Variants in WDR33 observed in about 807,000 individuals in gnomAD.
WDR33 encodes the protein WD repeat domain 33, also known as pre-mRNA 3' end processing protein WDR33.
In WDR33, 47 loss-of-function variants were observed where a neutral mutation model predicts 164.9. The observed-to-expected ratio is 0.29, with a 90% CI of 0.23 to 0.36. The LOEUF is 0.36. Ranked by LOEUF, WDR33 falls within the 10% of genes least tolerant of loss-of-function variation. The pLI, the probability that WDR33 is intolerant of heterozygous loss-of-function variation, is 1.00. For synonymous variants in WDR33, 505 were observed against 589.0 expected (o/e 0.86, Z 2.06); for missense variants, 1,137 against 1,754.1 (o/e 0.65, Z 6.28).
At chr2:127,727,926 T>C (rs1455370312) in intron 7 of WDR33, among the ~76,000 whole-genome samples, 1 of 152,188 alleles carries the variant, frequency 6.6e-6, no homozygotes, top group Non-Finnish European at 1.5e-5. Flanking sequence ...GCACCGACAG[T>C]GATTTGTACC....
At position 127,786,261 on chromosome 2, in the gene WDR33, C is replaced by G. The variant is rs1048124891; in HGVS notation, c.-23-15257G>C. Reference sequence around the variant, plus strand: ...TGTTGTCCAGGCTAGTCTGGAACTCCTAGGCTCAAGCGATCCTCCTGCTTT... The same window carrying G: ...TGTTGTCCAGGCTAGTCTGGAACTCGTAGGCTCAAGCGATCCTCCTGCTTT... On this transcript the variant is annotated intron_variant, in intron 1 of 21. Transcript: ENST00000322313. 5.3e-5 allele frequency among the ~76,000 whole-genome samples: 8 copies of G among 152,154 alleles called. No homozygotes were observed. The East Asian group carries it at 1.3e-3, about 26-fold the overall frequency.
In WDR33 at chr2:127,719,188, T is replaced by A. The variant is rs1386844526; in HGVS notation, c.2760+77A>T. 7.6e-7 allele frequency: 1 copy of A among 1,321,426 alleles called. No homozygotes were observed. The highest frequency in any genetic ancestry group is 1.5e-5 in the African/African-American group (1 of 66,772). The allele number at this position is 1,321,426 out of a possible 1,614,324, so 81.9% of individuals were successfully genotyped here. A position where few individuals can be genotyped will look rare whatever the true frequency, so the allele number is the denominator to read the frequency against. ...TATTTATATCCAGCTGTGACCATTTTCCACAATACTCAGCAGTATTACTTC... is the reference window on the plus strand; with the variant it reads ...TATTTATATCCAGCTGTGACCATTTACCACAATACTCAGCAGTATTACTTC... On this transcript the variant is annotated intron_variant, in intron 16 of 21. Coordinates refer to ENST00000322313, the MANE Select transcript of WDR33 (RefSeq NM_018383.5). This position sits in a 1 kb window ranked among gnomAD's most constrained non-coding sequence, Gnocchi z 6.5.
At position 127,796,478 on chromosome 2, in the gene WDR33, C is replaced by T. The variant is rs559762190; in HGVS notation, c.-24+14534G>A. ...CTATAATCCCAGCACTTTGGGAGAC[C>T]AAGATAGGTCCCATTGCTTGAGCTC... On this transcript the variant is annotated intron_variant, in intron 1 of 21. Coordinates refer to ENST00000322313, the MANE Select transcript of WDR33 (RefSeq NM_018383.5). Among the ~76,000 whole-genome samples the T allele has an allele frequency of 2.0e-4, 30 of 152,020 alleles. 1 individual carries two copies. Among genetic ancestry groups the T allele is most frequent in the African/African-American group, 7.0e-4 (29 of 41,364 alleles).
chr2:127,752,751 G>GATAACTAGGAAA (rs983320651), intron 7 of WDR33, among the ~76,000 whole-genome samples: 1 of 152,148 alleles, frequency 6.6e-6, no homozygotes, highest in African/African-American at 2.4e-5. Context: ...GAAGAAATAA[G>GATAACTAGGAAA]ATAACTAGGA....
chr2:127,714,065 C>A lies in WDR33; in HGVS notation c.2870-44G>T, dbSNP rs1252920304. ...ACTTTTACCATGTCTTCCAGGAAAC[C>A]TGCCAACATAGGTCTGATCTGTAGC... On this transcript the variant is annotated intron_variant, in intron 17 of 21. Coordinates refer to ENST00000322313, the MANE Select transcript of WDR33 (RefSeq NM_018383.5). This position sits in a 1 kb window ranked among gnomAD's most constrained non-coding sequence, Gnocchi z 4.3. 3 of 1,481,804 alleles carry A rather than the reference C, an allele frequency of 2.0e-6. No homozygotes were observed. Among genetic ancestry groups the A allele is most frequent in the Non-Finnish European group, 2.7e-6 (3 of 1,120,414 alleles). The allele number at this position is 1,481,804 out of a possible 1,614,324, so 91.8% of individuals were successfully genotyped here.
chr2:127,722,105 C>A lies in WDR33; in HGVS notation c.1519-117G>T. ...TCTAACCTCTGAACCGATTTTATTTCTTTTTACCTTTTCTCCATGACTCAA... is the reference window on the plus strand; with the variant it reads ...TCTAACCTCTGAACCGATTTTATTTATTTTTACCTTTTCTCCATGACTCAA... On this transcript the variant is annotated intron_variant, in intron 14 of 21. Transcript: ENST00000322313. This position sits in a 1 kb window ranked among gnomAD's most constrained non-coding sequence, Gnocchi z 5.1. 1 of 1,186,794 alleles carries A rather than the reference C, an allele frequency of 8.4e-7. No individual in the cohort carries two copies. Among genetic ancestry groups the A allele is most frequent in the Non-Finnish European group, 1.2e-6 (1 of 861,644 alleles). The allele number at this position is 1,186,794 out of a possible 1,614,324, so 73.5% of individuals were successfully genotyped here.
rs184446360 is a variant in WDR33 at position 127,802,937 on chromosome 2, C to T, written c.-24+8075G>A. Among the ~76,000 whole-genome samples the T allele has an allele frequency of 3.9e-5, 6 of 152,158 alleles. No individual in the cohort carries two copies. In the East Asian group the frequency reaches 1.2e-3, roughly 29 times the overall value. On this transcript the variant is annotated intron_variant, in intron 1 of 21. Transcript: ENST00000322313. ...TTGAGGCTACAGGGAGCCAAAACTG[C>T]ACCACTACACTCCAGCCTAGGTAAC...
At position 127,701,890 on chromosome 2, in the gene WDR33, C is replaced by T. The variant is rs769338844; in HGVS notation, c.*4433G>A. 273 of 1,455,924 alleles carry T rather than the reference C, an allele frequency of 1.9e-4. 1 individual carries two copies. The East Asian group carries it at 7.6e-3, about 40-fold the overall frequency. The allele number at this position is 1,455,924 out of a possible 1,614,324, so 90.2% of individuals were successfully genotyped here. A position where few individuals can be genotyped will look rare whatever the true frequency, so the allele number is the denominator to read the frequency against. ...TCACTGGGCTCGGCGCTGGCGTTGG[C>T]GGGAAGCGCGCTGCTGCGGGGCGGC... On this transcript the variant is annotated 3_prime_UTR_variant, in exon 22 of 22. Coordinates refer to ENST00000322313, the MANE Select transcript of WDR33 (RefSeq NM_018383.5).
intron 7 of WDR33, among the ~76,000 whole-genome samples, chr2:127,733,014 C>T (rs780498150): frequency 2.6e-5 from 4 of 152,132 alleles, no homozygotes; most frequent in Non-Finnish European, 4.4e-5. Context: ...GTTTGTAATA[C>T]TGCAAGAATA....
Position 127,719,131 on chromosome 2 carries a change from A to G in WDR33, c.2760+134T>C. ...GATTTCATTCTTCAGCCAGGATGCT[A>G]GTATCTTAAGCTACTGTCACTACTT... On this transcript the variant is annotated intron_variant, in intron 16 of 21. Coordinates refer to ENST00000322313, the MANE Select transcript of WDR33 (RefSeq NM_018383.5). This position sits in a 1 kb window ranked among gnomAD's most constrained non-coding sequence, Gnocchi z 6.5. The G allele has an allele frequency of 9.0e-7, 1 of 1,115,822 alleles. No homozygotes were observed. The highest frequency in any genetic ancestry group is 1.2e-6 in the Non-Finnish European group (1 of 856,524). 69.1% of individuals were successfully genotyped at this position (1,115,822 alleles called of 1,614,324 possible).
rs1456905621 is a variant in WDR33 at position 127,770,241 on chromosome 2, A to AT, written c.204+536dup. 1.3e-5 allele frequency among the ~76,000 whole-genome samples: 2 copies of AT among 152,330 alleles called. No homozygotes were observed. Among genetic ancestry groups the AT allele is most frequent in the Admixed American group, 1.3e-4 (2 of 15,296 alleles). ...TCTAAAATGGAGTCTAACTTTAATA[A>AT]TTTTTTAGAAGATGATACAGGCACA... On this transcript the variant is annotated intron_variant, in intron 2 of 21. Transcript: ENST00000322313. This position sits in a 1 kb window ranked among gnomAD's most constrained non-coding sequence, Gnocchi z 4.9.
At chr2:127,778,603 C>T (rs1289463716) in intron 1 of WDR33, among the ~76,000 whole-genome samples, 3 of 152,076 alleles carry the variant, frequency 2.0e-5, no homozygotes, top group Non-Finnish European at 1.5e-5. Context: ...GAAGTTACTA[C>T]TACACTGAGA....
Position 127,703,520 on chromosome 2 carries a change from T to C in WDR33, c.*2803A>G, listed in dbSNP as rs1685942592. 1 of 167,046 alleles carries C rather than the reference T, an allele frequency of 6.0e-6. No individual in the cohort carries two copies. The highest frequency in any genetic ancestry group is 2.4e-5 in the African/African-American group (1 of 41,414). 10.3% of individuals were successfully genotyped at this position (167,046 alleles called of 1,614,324 possible). On this transcript the variant is annotated 3_prime_UTR_variant, in exon 22 of 22. Coordinates refer to ENST00000322313, the MANE Select transcript of WDR33 (RefSeq NM_018383.5). ...GGTCCCTAAGCCCCGTCCCAAGAAG[T>C]GACACAAGTGGCCAACATCCACACT... is the stretch of plus-strand genomic sequence containing the variant.
At chr2:127,750,747 T>TATATATGTATACATACATATATATACAC in intron 7 of WDR33, among the ~76,000 whole-genome samples, 1 of 126,480 alleles carries the variant, frequency 7.9e-6, no homozygotes, top group Non-Finnish European at 1.6e-5. Flanking sequence ...TATGCATACA[T>TATATATGTATACATACATATATATACAC]ATATATGTAT....
rs934654497 is a variant in WDR33 at position 127,720,574 on chromosome 2, AT to A, written c.1672-222del. On this transcript the variant is annotated intron_variant, in intron 15 of 21. Transcript: ENST00000322313. This position sits in a 1 kb window ranked among gnomAD's most constrained non-coding sequence, Gnocchi z 5.9. The stretch of plus-strand genomic sequence containing the variant: ...TAAGTCCTGGGACACAGTAGTAAGG[AT>A]TTTTTTTTCCTTATTTTTTTTTTCT... Among the ~76,000 whole-genome samples the A allele has an allele frequency of 6.6e-6, 1 of 150,664 alleles. No individual in the cohort carries two copies. Among genetic ancestry groups the A allele is most frequent in the Non-Finnish European group, 1.5e-5 (1 of 67,636 alleles).
intron 1 of WDR33, among the ~76,000 whole-genome samples, chr2:127,808,616 A>G (rs1689519832): frequency 6.6e-6 from 1 of 152,200 alleles, no homozygotes; most frequent in South Asian, 2.1e-4. Context: ...CATTTTCAGC[A>G]GAGCGCGGTG....
intron 1 of WDR33, among the ~76,000 whole-genome samples, chr2:127,799,637 A>C (rs1689166035): frequency 6.6e-6 from 1 of 152,204 alleles, no homozygotes; most frequent in South Asian, 2.1e-4. Context: ...TCTACTAAAA[A>C]TACAAAAATT....
rs114611657 is a variant in WDR33 at position 127,807,065 on chromosome 2, C to A, written c.-24+3947G>T. Among the ~76,000 whole-genome samples the A allele has an allele frequency of 3.6e-3, 552 of 152,124 alleles. 4 individuals are homozygous for A. Among genetic ancestry groups the A allele is most frequent in the African/African-American group, 0.012 (500 of 41,484 alleles). On this transcript the variant is annotated intron_variant, in intron 1 of 21. Coordinates refer to ENST00000322313, the MANE Select transcript of WDR33 (RefSeq NM_018383.5). ...TTGTTGCCCAGGCTGAAGTACAATGCGCAATCTCAGCTCACTGCAACCTCC... is the reference window on the plus strand; with the variant it reads ...TTGTTGCCCAGGCTGAAGTACAATGAGCAATCTCAGCTCACTGCAACCTCC...
chr2:127,708,283 T>C lies in WDR33; in HGVS notation c.3781+394A>G, dbSNP rs77665538. 0.014 allele frequency among the ~76,000 whole-genome samples: 2,179 copies of C among 152,264 alleles called. 66 individuals carry two copies. Among genetic ancestry groups the C allele is most frequent in the African/African-American group, 0.051 (2,104 of 41,542 alleles). ...ACTTTGAGCACAAGCAGTGTTCCTCTAGACCCAGGCTAAAAAAACCAACAG... is the reference window on the plus strand; with the variant it reads ...ACTTTGAGCACAAGCAGTGTTCCTCCAGACCCAGGCTAAAAAAACCAACAG... On this transcript the variant is annotated intron_variant, in intron 21 of 21. Coordinates refer to ENST00000322313, the MANE Select transcript of WDR33 (RefSeq NM_018383.5). The surrounding 1 kb of genome is among the most constrained non-coding windows in gnomAD (Gnocchi z 6.7).
Sources: allele counts gnomAD v4.1 joint callset (sites outside exome capture counted in the v4.1 genomes callset), GRCh38; gene constraint gnomAD v4.1.1; non-coding constraint Gnocchi (gnomAD v3.1); transcripts MANE v1.5; gene names NCBI Gene and HGNC (gene_info 2026-07-23, HGNC 2026-07-21).